SCD: variants seen among roughly 807,000 people sequenced by gnomAD.
The protein encoded by SCD is acyl-CoA desaturase.
Under a neutral mutation model 35.7 loss-of-function variants are expected in SCD, and 4 were observed. The observed-to-expected ratio is 0.11, with a 90% confidence interval of 0.06 to 0.26. The LOEUF (loss-of-function observed/expected upper bound fraction) is 0.26, where lower values mean the gene tolerates loss of function less well. Ranked by LOEUF, SCD falls within the 10% of genes least tolerant of loss-of-function variation. The pLI, the probability that SCD is intolerant of heterozygous loss-of-function variation, is 1.00. For synonymous variants in SCD, 150 were observed against 170.2 expected (o/e 0.88, Z 0.92); for missense variants, 282 against 460.7 (o/e 0.61, Z 3.55).
At position 100,347,238 on chromosome 10, in the gene SCD, A is replaced by G. The variant is rs922106610; in HGVS notation, c.-267A>G. On this transcript the variant is annotated 5_prime_UTR_variant, in exon 1 of 6. Coordinates refer to ENST00000370355, the MANE Select transcript of SCD (RefSeq NM_005063.5). ...CACGCGGGACCGCCCGCGCCAGTCA[A>G]CTCCTCGCACTTTGCCCCTGCTTGG... 2 of 535,316 alleles carry G rather than the reference A, an allele frequency of 3.7e-6. No individual in the cohort carries two copies. The highest frequency in any genetic ancestry group is 6.6e-6 in the Non-Finnish European group (2 of 301,828). 33.2% of individuals were successfully genotyped at this position (535,316 alleles called of 1,614,324 possible).
chr10:100,360,761 C>A lies in SCD; in HGVS notation c.908C>A (p.Ser303Tyr). The A allele has an allele frequency of 6.2e-7, 1 of 1,614,018 alleles. No homozygotes were observed. Among genetic ancestry groups the A allele is most frequent in the Non-Finnish European group, 8.5e-7 (1 of 1,179,876 alleles). The change falls in exon 6 of 6, where the codon TCC (serine) becomes TAC (tyrosine). Residue 303 changes from serine (S) to tyrosine (Y), a missense_variant. Coordinates refer to ENST00000370355, the MANE Select transcript of SCD (RefSeq NM_005063.5). ...GAGGGCTTCCACAACTACCACCACT[C>A]CTTTCCCTATGACTACTCTGCCAGT... ...VGEGFHNYHH[S>Y]FPYDYSASEY...
In SCD at chr10:100,356,111, C is replaced by T. The variant is rs1048946313; in HGVS notation, c.648-421C>T. Reference sequence around the variant, plus strand: ...TCAGCGATGGCCGGGCATGGTGGCTCATGCCCGTAATCCCAGCACTTTGGG... The same window carrying T: ...TCAGCGATGGCCGGGCATGGTGGCTTATGCCCGTAATCCCAGCACTTTGGG... On this transcript the variant is annotated intron_variant, in intron 4 of 5. Coordinates refer to ENST00000370355, the MANE Select transcript of SCD (RefSeq NM_005063.5). The surrounding 1 kb of genome is among the most constrained non-coding windows in gnomAD (Gnocchi z 4.1). Among the ~76,000 whole-genome samples, 1 of 152,182 alleles carries T rather than the reference C, an allele frequency of 6.6e-6. No homozygotes were observed. Among genetic ancestry groups the T allele is most frequent in the African/African-American group, 2.4e-5 (1 of 41,444 alleles).
rs1346243898 is a variant in SCD, at chr10:100,361,820, G to A, written c.*887G>A. The A allele has an allele frequency of 1.3e-5, 2 of 152,120 alleles. No individual in the cohort carries two copies. Among genetic ancestry groups the A allele is most frequent in the Non-Finnish European group, 2.9e-5 (2 of 68,028 alleles). The allele number at this position is 152,120 out of a possible 1,614,324, so 9.4% of individuals were successfully genotyped here. On this transcript the variant is annotated 3_prime_UTR_variant, in exon 6 of 6. Coordinates refer to ENST00000370355, the MANE Select transcript of SCD (RefSeq NM_005063.5). Reference sequence around the variant, plus strand: ...GAAGTCTTGAAGTTGGGTGTTTCCAGAATTGGTAAAAACAGCAGCTCATAG... The same window carrying A: ...GAAGTCTTGAAGTTGGGTGTTTCCAAAATTGGTAAAAACAGCAGCTCATAG...
chr10:100,351,349 CCG>C (rs1316739166), intron 2 of SCD, among the ~76,000 whole-genome samples: 2 of 34,114 alleles, frequency 5.9e-5, no homozygotes, highest in African/African-American at 3.0e-4. Context: ...AGAGCGTTGC[CCG>C]GTGAGAGTAT....
intron 4 of SCD, among the ~76,000 whole-genome samples, chr10:100,355,353 G>A (rs1323668634): frequency 6.6e-6 from 1 of 152,182 alleles, no homozygotes; most frequent in African/African-American, 2.4e-5. Flanking sequence ...ACAACTATGT[G>A]TGGGGAGAGA....
rs1554834934 is a variant in SCD, at chr10:100,363,839, T to TGC, written c.*2907_*2908insCG. The TGC allele has an allele frequency of 6.6e-6, 1 of 152,608 alleles. No homozygotes were observed. The highest frequency in any genetic ancestry group is 1.9e-4 in the East Asian group (1 of 5,186). 9.5% of individuals were successfully genotyped at this position (152,608 alleles called of 1,614,324 possible). On this transcript the variant is annotated 3_prime_UTR_variant, in exon 6 of 6. Coordinates refer to ENST00000370355, the MANE Select transcript of SCD (RefSeq NM_005063.5). ...TCCGGATTTCTAACAGTCCTTGCTT[T>TGC]GGGGGGTGTGCTGACAACTTAGCTC...
At chr10:100,359,204 A>G (rs963546673) in intron 5 of SCD, among the ~76,000 whole-genome samples, 1 of 152,022 alleles carries the variant, frequency 6.6e-6, no homozygotes, top group Non-Finnish European at 1.5e-5. Flanking sequence ...TGTTGTTATC[A>G]TTCACTCCTC....
intron 4 of SCD, among the ~76,000 whole-genome samples, chr10:100,355,000 G>A (rs631315): frequency 0.031 from 4,697 of 152,184 alleles, 156 homozygotes; most frequent in East Asian, 0.12. Flanking sequence ...GCACAATCAT[G>A]GCTCACTGCA....
intron 1 of SCD, 135 bp downstream of exon 1, chr10:100,347,666 C>A: frequency 1.1e-6 from 1 of 941,848 alleles, no homozygotes; most frequent in South Asian, 1.6e-5. Flanking sequence ...TGCTGCCTTC[C>A]GTGAGTTGGG....
At chr10:100,360,492 G>C (rs975466402) in intron 5 of SCD, among the ~76,000 whole-genome samples, 20 of 152,288 alleles carry the variant, frequency 1.3e-4, no homozygotes, top group African/African-American at 4.6e-4. Context: ...CACTTTGGGT[G>C]GTCAACGTGG....
Position 100,361,248 on chromosome 10 carries a change from G to T in SCD, c.*315G>T. ...CTGGTCAGTCTTTGCTCAGTGTCCAGCTTCCAAAGCCTAGACAACCTTTCT... is the reference window on the plus strand; with the variant it reads ...CTGGTCAGTCTTTGCTCAGTGTCCATCTTCCAAAGCCTAGACAACCTTTCT... On this transcript the variant is annotated 3_prime_UTR_variant, in exon 6 of 6. Transcript: ENST00000370355. 1 of 333,980 alleles carries T rather than the reference G, an allele frequency of 3.0e-6. No homozygotes were observed. Among genetic ancestry groups the T allele is most frequent in the Non-Finnish European group, 5.6e-6 (1 of 179,538 alleles). 20.7% of individuals were successfully genotyped at this position (333,980 alleles called of 1,614,324 possible).
rs1407279499 is a variant in SCD, at chr10:100,347,560, C to G, written c.27+29C>G. 1.9e-6 allele frequency: 3 copies of G among 1,612,840 alleles called. No homozygotes were observed. The African/African-American group carries it at 4.0e-5, about 22-fold the overall frequency. On this transcript the variant is annotated intron_variant, in intron 1 of 5. Coordinates refer to ENST00000370355, the MANE Select transcript of SCD (RefSeq NM_005063.5). ...AGTTTCCCAGCCTGGCCCCGTACCG[C>G]CGGGTCGCAGGCGCGGGCTGGGCTT...
chr10:100,349,907 G>C (rs1037623925), intron 2 of SCD, among the ~76,000 whole-genome samples: 6 of 152,094 alleles, frequency 3.9e-5, no homozygotes, highest in Non-Finnish European at 7.4e-5. Flanking sequence ...CTCCCCAAGA[G>C]GATAGTCTTC....
Position 100,354,624 on chromosome 10 carries a change from C to T in SCD, c.639C>T (p.Phe213=), listed in dbSNP as rs202172577. 1.9e-6 allele frequency: 3 copies of T among 1,613,580 alleles called. No individual in the cohort carries two copies. Among genetic ancestry groups the T allele is most frequent in the Non-Finnish European group, 2.5e-6 (3 of 1,179,656 alleles). The change falls in exon 4 of 6, where the codon TTC becomes TTT. Residue 213 remains phenylalanine, a synonymous_variant. Coordinates refer to ENST00000370355, the MANE Select transcript of SCD (RefSeq NM_005063.5). The part of the protein sequence containing the change: ...SDLEAEKLVM[F]QRRYYKPGLL... Reference sequence around the variant, plus strand: ...TAGAAGCTGAGAAACTGGTGATGTTCCAGAGGAGGTGAGTGAAGCCCTGAT... The same window carrying T: ...TAGAAGCTGAGAAACTGGTGATGTTTCAGAGGAGGTGAGTGAAGCCCTGAT...
At chr10:100,360,609 GA>G in intron 5 of SCD, 124 bp from the exon 6 acceptor site, 1 of 736,822 alleles carries the variant, frequency 1.4e-6, no homozygotes, top group Admixed American at 2.3e-5. Context: ...AAAAGAGACT[GA>G]ATTCATCCAT....
At position 100,347,458 on chromosome 10, in the gene SCD, C is replaced by G; in HGVS notation, c.-47C>G. ...CCTCCGGCGACCCCGAACTCCGCTC[C>G]GGAGCCTCAGCCCCCTGGAAAGTGA... On this transcript the variant is annotated 5_prime_UTR_variant, in exon 1 of 6. Coordinates refer to ENST00000370355, the MANE Select transcript of SCD (RefSeq NM_005063.5). The G allele has an allele frequency of 6.2e-7, 1 of 1,609,148 alleles. No homozygotes were observed.
chr10:100,360,634 G>C, intron 5 of SCD, 100 bp from the exon 6 acceptor site: 1 of 937,158 alleles, frequency 1.1e-6, no homozygotes, highest in Non-Finnish European at 1.7e-6. Flanking sequence ...ACAATAGCGA[G>C]TTTCTCCCAG....
rs1263635520 is a variant in SCD at position 100,363,477 on chromosome 10, G to A, written c.*2544G>A. On this transcript the variant is annotated 3_prime_UTR_variant, in exon 6 of 6. Transcript: ENST00000370355. ...TTCACCTCAGTAGAAAAGGATCTAA[G>A]GGAAGATCACTGTAGTTTAGTTCTG... 2 of 152,214 alleles carry A rather than the reference G, an allele frequency of 1.3e-5. No individual in the cohort carries two copies. Among genetic ancestry groups the A allele is most frequent in the African/African-American group, 2.4e-5 (1 of 41,446 alleles). 9.4% of individuals were successfully genotyped at this position (152,214 alleles called of 1,614,324 possible).
chr10:100,351,635 G>A (rs1849873598), intron 2 of SCD, among the ~76,000 whole-genome samples: 1 of 152,058 alleles, frequency 6.6e-6, no homozygotes, highest in South Asian at 2.1e-4. Context: ...TGCCCAGATT[G>A]TACTGGCTGT....
Sources: allele counts gnomAD v4.1 joint callset (sites outside exome capture counted in the v4.1 genomes callset), GRCh38; gene constraint gnomAD v4.1.1; non-coding constraint Gnocchi (gnomAD v3.1); transcripts MANE v1.5; gene names NCBI Gene and HGNC (gene_info 2026-07-23, HGNC 2026-07-21).